SPINK6: variants seen among roughly 807,000 people sequenced by gnomAD.
The protein encoded by SPINK6 is serine protease inhibitor Kazal-type 6.
A neutral mutation model predicts 11.7 loss-of-function variants in SPINK6; 13 were observed. The ratio of observed to expected loss-of-function variants is 1.11; its 90% CI spans 0.72 to 1.76. The LOEUF (loss-of-function observed/expected upper bound fraction) is 1.76. SPINK6 is among the 40% of genes most tolerant of loss of function. The pLI, the probability that SPINK6 is intolerant of heterozygous loss-of-function variation, is 0.00. For missense variants in SPINK6, 98 were observed against 93.7 expected (o/e 1.05, Z -0.19); for synonymous variants, 21 against 31.9 (o/e 0.66, Z 1.15).
chr5:148,212,587 ATATTT>A lies in SPINK6; in HGVS notation c.82-1319_82-1315del, dbSNP rs1755619099. On this transcript the variant is annotated intron_variant, in intron 2 of 3. Transcript: ENST00000325630. ...AATATATATTATATATTATATAAATATATTTTATATAATATATAATATATATTTAT... is the reference window on the plus strand; with the variant it reads ...AATATATATTATATATTATATAAATATATATAATATATAATATATATTTAT... Among the ~76,000 whole-genome samples, 3 of 100,800 alleles carry A rather than the reference ATATTT, an allele frequency of 3.0e-5. 1 individual carries two copies. The highest frequency in any genetic ancestry group is 5.3e-5 in the Non-Finnish European group (3 of 57,036). The allele number at this position is 100,800 out of a possible 152,430, so 66.1% of individuals were successfully genotyped here. A position where few individuals can be genotyped will look rare whatever the true frequency, so the allele number is the denominator to read the frequency against.
At chr5:148,213,348 C>G (rs879805080) in intron 2 of SPINK6, among the ~76,000 whole-genome samples, 60 of 152,116 alleles carry the variant, frequency 3.9e-4, no homozygotes, top group Admixed American at 1.2e-3. Flanking sequence ...AGGTGCCCGC[C>G]ACCACACCCG....
At chr5:148,211,733 T>G (rs966380580) in intron 2 of SPINK6, among the ~76,000 whole-genome samples, 2 of 152,206 alleles carry the variant, frequency 1.3e-5, no homozygotes, top group Admixed American at 6.5e-5. Flanking sequence ...ATGATATTTA[T>G]CTGTTCTATG....
chr5:148,210,218 ATATGTATTTCTGCATGCATACG>A (rs1400776850), intron 2 of SPINK6, among the ~76,000 whole-genome samples: 91 of 130,172 alleles, frequency 7.0e-4, no homozygotes, highest in African/African-American at 2.8e-3. Context: ...TTCTGCATGC[ATATGTATTTCTGCATGCATACG>A]TATGTATTTC....
At chr5:148,214,862 T>TAA (rs771068406) in intron 3 of SPINK6, 43 bp from the exon 4 acceptor site, 16 of 1,517,972 alleles carry the variant, frequency 1.1e-5, no homozygotes, top group Non-Finnish European at 1.5e-5. Flanking sequence ...GGTGAGTACT[T>TAA]ACGATATTGC....
chr5:148,214,884 A>G, intron 3 of SPINK6, 21 bp from the exon 4 acceptor site: 1 of 1,609,318 alleles, frequency 6.2e-7, no homozygotes, highest in Non-Finnish European at 8.5e-7. Context: ...CTGAGTATAT[A>G]TTTGTCTTTC....
Position 148,204,929 on chromosome 5 carries a change from GT to G in SPINK6, c.59-1106del, listed in dbSNP as rs544090742. The stretch of plus-strand genomic sequence containing the variant: ...TCCCTGGCTATAAAAACCACTTAGA[GT>G]CTTTAAAAAATATGGACTGTCCAGG... On this transcript the variant is annotated intron_variant, in intron 1 of 3. Transcript: ENST00000325630. 9.1e-4 allele frequency among the ~76,000 whole-genome samples: 139 copies of G among 152,100 alleles called. 1 individual carries two copies. The highest frequency in any genetic ancestry group is 3.1e-3 in the Admixed American group (47 of 15,280).
At chr5:148,207,278 A>C (rs888860357) in intron 2 of SPINK6, among the ~76,000 whole-genome samples, 5 of 152,204 alleles carry the variant, frequency 3.3e-5, no homozygotes, top group African/African-American at 1.2e-4. Context: ...AGAATTAAGA[A>C]ATATGGAATT....
rs1027784388 is a variant in SPINK6 at position 148,214,306 on chromosome 5, A to C, written c.197+281A>C. The stretch of plus-strand genomic sequence containing the variant: ...AACATTCACACATCTTATACATTAT[A>C]ACTTATTATATTTAATAATTTTGAT... On this transcript the variant is annotated intron_variant, in intron 3 of 3. Coordinates refer to ENST00000325630, the MANE Select transcript of SPINK6 (RefSeq NM_205841.4). 7.2e-5 allele frequency among the ~76,000 whole-genome samples: 11 copies of C among 152,180 alleles called. No individual in the cohort carries two copies. In the East Asian group the frequency reaches 2.1e-3, roughly 29 times the overall value.
chr5:148,202,808 G>C (rs114746398), upstream of SPINK6: 1,550 of 298,988 alleles, frequency 5.2e-3, 29 homozygotes, highest in African/African-American at 0.031. Flanking sequence ...TGAAACTTTA[G>C]AAAGAAGAGC....
chr5:148,210,117 T>C (rs888917906), intron 2 of SPINK6, among the ~76,000 whole-genome samples: 26 of 150,958 alleles, frequency 1.7e-4, no homozygotes, highest in Admixed American at 7.3e-4. Flanking sequence ...CATATGTATG[T>C]ATGTTTACAT....
rs1398978551 is a variant in SPINK6, at chr5:148,209,991, T to TACACACGTACGTATGTATAC, written c.82-3918_82-3917insCACACGTACGTATGTATACA. Among the ~76,000 whole-genome samples, 35 of 145,510 alleles carry TACACACGTACGTATGTATAC rather than the reference T, an allele frequency of 2.4e-4. 6 individuals are homozygous for TACACACGTACGTATGTATAC. Among genetic ancestry groups the TACACACGTACGTATGTATAC allele is most frequent in the South Asian group, 6.6e-4 (3 of 4,578 alleles). On this transcript the variant is annotated intron_variant, in intron 2 of 3. Transcript: ENST00000325630. ...ACATACGTACGTATGTATGTATACA[T>TACACACGTACGTATGTATAC]ATACACGTATGTATACATGTATGTA...
chr5:148,209,969 T>TACGTACGTATGTATACATACAC (rs1755551035), intron 2 of SPINK6, among the ~76,000 whole-genome samples: 2 of 126,606 alleles, frequency 1.6e-5, no homozygotes, highest in Non-Finnish European at 3.5e-5. Context: ...TATACATACA[T>TACGTACGTATGTATACATACAC]ACGTACGTAT....
intron 2 of SPINK6, among the ~76,000 whole-genome samples, chr5:148,212,663 T>C (rs1561733834): frequency 1.9e-5 from 2 of 104,468 alleles, no homozygotes; most frequent in South Asian, 2.5e-4. Context: ...TATATTTATA[T>C]ATTTATATAA....
chr5:148,211,382 T>C (rs1561733184), intron 2 of SPINK6, among the ~76,000 whole-genome samples: 1 of 152,198 alleles, frequency 6.6e-6, no homozygotes, highest in Non-Finnish European at 1.5e-5. Flanking sequence ...CTCATGGTGT[T>C]GATGATTTTC....
chr5:148,212,477 T>A (rs951498333), intron 2 of SPINK6, among the ~76,000 whole-genome samples: 2 of 24,992 alleles, frequency 8.0e-5, no homozygotes, highest in Non-Finnish European at 4.6e-4. Context: ...AAATACATAT[T>A]TTTTATATAT....
rs371566045 is a variant in SPINK6, at chr5:148,207,362, AC to A, written c.81+1305del. On this transcript the variant is annotated intron_variant, in intron 2 of 3. Transcript: ENST00000325630. The stretch of plus-strand genomic sequence containing the variant: ...GTTGATTTCTCAGATTTTTTTTCTT[AC>A]AAACAGAGGTTTTATTGCATTTGGT... Among the ~76,000 whole-genome samples, 213 of 151,734 alleles carry A rather than the reference AC, an allele frequency of 1.4e-3. 1 individual carries two copies. The highest frequency in any genetic ancestry group is 4.7e-3 in the African/African-American group (193 of 41,096).
intron 2 of SPINK6, among the ~76,000 whole-genome samples, chr5:148,206,952 A>G (rs182733791): frequency 2.0e-5 from 3 of 152,166 alleles, no homozygotes; most frequent in African/African-American, 7.2e-5. Context: ...ACTGCATTAT[A>G]TAAGAATGTT....
intron 2 of SPINK6, among the ~76,000 whole-genome samples, chr5:148,209,750 T>C (rs1755545100): frequency 6.6e-6 from 1 of 151,784 alleles, no homozygotes; most frequent in Non-Finnish European, 1.5e-5. Flanking sequence ...GGTAAAGCAA[T>C]GCAGAAGGTA....
chr5:148,215,136 C>T lies in SPINK6; in HGVS notation c.*186C>T, dbSNP rs1755664964. 2 of 539,288 alleles carry T rather than the reference C, an allele frequency of 3.7e-6. No individual in the cohort carries two copies. Among genetic ancestry groups the T allele is most frequent in the Non-Finnish European group, 6.6e-6 (2 of 301,634 alleles). 33.4% of individuals were successfully genotyped at this position (539,288 alleles called of 1,614,324 possible). ...GTCAATAAAGTACATTCTGCAAAAG[C>T]ATTGACTGTGTTCTTACTTTGAGAT... On this transcript the variant is annotated 3_prime_UTR_variant, in exon 4 of 4. Coordinates refer to ENST00000325630, the MANE Select transcript of SPINK6 (RefSeq NM_205841.4).
Sources: gnomAD v4.1 joint callset for allele counts (sites outside exome capture counted in the v4.1 genomes callset) on GRCh38, gnomAD v4.1.1 for gene constraint, MANE v1.5 for transcripts, NCBI Gene and HGNC (gene_info 2026-07-23, HGNC 2026-07-21) for gene names.